Variants in SLC35F3 observed in about 807,000 individuals in gnomAD.
SLC35F3 encodes putative thiamine transporter SLC35F3.
SLC35F3 carries 25 observed loss-of-function variants against 49.9 expected under a neutral mutation model. That is an observed-to-expected ratio of 0.50 (90% CI 0.37 to 0.70). SLC35F3 has a LOEUF of 0.70. Among genes scored for constraint, SLC35F3 ranks in the 30% least tolerant of loss-of-function variants. The probability of loss-of-function intolerance (pLI) is 0.00; values close to 1 mark genes in which losing one functional copy is unlikely to be tolerated. For missense variants in SLC35F3, 525 were observed against 639.8 expected (o/e 0.82, Z 1.94); for synonymous variants, 275 against 265.4 (o/e 1.04, Z -0.35).
chr1:234,317,159 G>A (rs899987055), intron 5 of SLC35F3, among the ~76,000 whole-genome samples: 1 of 152,196 alleles, frequency 6.6e-6, no homozygotes, highest in Non-Finnish European at 1.5e-5. Flanking sequence ...AGCCACCACT[G>A]CTCGCTATGA....
chr1:234,118,381 CTAACT>C (rs1197125062), intron 2 of SLC35F3, among the ~76,000 whole-genome samples: 1 of 152,160 alleles, frequency 6.6e-6, no homozygotes, highest in Non-Finnish European at 1.5e-5. Context: ...ACCCCCATCC[CTAACT>C]TTTTACCTTT....
intron 2 of SLC35F3, among the ~76,000 whole-genome samples, chr1:234,045,722 TTA>T (rs1195675460): frequency 1.3e-5 from 2 of 151,686 alleles, no homozygotes; most frequent in African/African-American, 4.9e-5. Flanking sequence ...TTTTTTTTTT[TTA>T]AAGAAATAGA....
At chr1:234,254,197 T>C (rs1456895446) in intron 3 of SLC35F3, among the ~76,000 whole-genome samples, 1 of 152,216 alleles carries the variant, frequency 6.6e-6, no homozygotes, top group Non-Finnish European at 1.5e-5. Flanking sequence ...TTTTTATGCC[T>C]TTGGCTTCTT....
chr1:234,035,671 C>A (rs1389123734), intron 2 of SLC35F3, among the ~76,000 whole-genome samples: 1 of 152,158 alleles, frequency 6.6e-6, no homozygotes, highest in African/African-American at 2.4e-5. Context: ...GCTTTTACTC[C>A]ACTTTCTAAG....
chr1:234,304,669 C>G (rs1414850372), intron 3 of SLC35F3, among the ~76,000 whole-genome samples: 1 of 152,196 alleles, frequency 6.6e-6, no homozygotes, highest in Non-Finnish European at 1.5e-5. Context: ...ACTGTAGCAT[C>G]ATTATATTCC....
chr1:234,083,241 A>T (rs965408597), intron 2 of SLC35F3, among the ~76,000 whole-genome samples: 2 of 152,254 alleles, frequency 1.3e-5, no homozygotes, highest in East Asian at 3.8e-4. Flanking sequence ...ATTAAGGTTT[A>T]AGAAAAGCAA....
At chr1:234,221,022 G>A (rs551187544) in intron 2 of SLC35F3, among the ~76,000 whole-genome samples, 20 of 152,296 alleles carry the variant, frequency 1.3e-4, no homozygotes, top group African/African-American at 4.6e-4. Context: ...AAGGGAGGCA[G>A]GAGAGAAGTT....
At position 233,905,679 on chromosome 1, in the gene SLC35F3, G is replaced by T. The variant is rs757515093; in HGVS notation, c.204G>T (p.Val68=). The T allele has an allele frequency of 6.2e-7, 1 of 1,614,150 alleles. No individual in the cohort carries two copies. The highest frequency in any genetic ancestry group is 1.7e-5 in the Admixed American group (1 of 60,032). The change falls in exon 2 of 8, where the codon GTG becomes GTT. Residue 68 remains valine, a synonymous_variant. Transcript: ENST00000366618. ...TGGAGGATCTCACCAGCGGGCCGGT[G>T]GGGCTCACGTCCATCGAGGAGCGGA... ...RSVEDLTSGP[V]GLTSIEERIL...
intron 2 of SLC35F3, among the ~76,000 whole-genome samples, chr1:234,016,786 T>C (rs1234072647): frequency 6.6e-6 from 1 of 152,242 alleles, no homozygotes; most frequent in Admixed American, 6.5e-5. Context: ...ATTTCACTAG[T>C]CTGCCAAGTA....
At chr1:233,910,653 A>T (rs1288627410) in intron 2 of SLC35F3, among the ~76,000 whole-genome samples, 1 of 152,214 alleles carries the variant, frequency 6.6e-6, no homozygotes, top group East Asian at 1.9e-4. Flanking sequence ...GTTTTCAAAT[A>T]TTGAACTCTT....
intron 7 of SLC35F3, among the ~76,000 whole-genome samples, chr1:234,321,042 C>G (rs1004992926): frequency 7.2e-6 from 1 of 139,362 alleles, no homozygotes; most frequent in Admixed American, 7.2e-5. Flanking sequence ...AGATTGCCCC[C>G]CCCCCACCCC....
In SLC35F3 at chr1:234,276,356, C is replaced by T. The variant is rs185829307; in HGVS notation, c.609-32745C>T. Among the ~76,000 whole-genome samples the T allele has an allele frequency of 3.0e-3, 464 of 152,278 alleles. 3 individuals are homozygous for T. Among genetic ancestry groups the T allele is most frequent in the African/African-American group, 0.011 (438 of 41,550 alleles). ...TGAGACTCATTCACCAGAATCTGTGCATGTTCAGAACAGAGAGACTTAGAA... is the reference window on the plus strand; with the variant it reads ...TGAGACTCATTCACCAGAATCTGTGTATGTTCAGAACAGAGAGACTTAGAA... On this transcript the variant is annotated intron_variant, in intron 3 of 7. Transcript: ENST00000366618.
intron 2 of SLC35F3, among the ~76,000 whole-genome samples, chr1:234,161,364 C>CTCCCTTTTTG (rs1666224789): frequency 1.3e-5 from 2 of 152,086 alleles, no homozygotes; most frequent in Non-Finnish European, 2.9e-5. Flanking sequence ...ATCTGTCTTT[C>CTCCCTTTTTG]TGCAGAGGTT....
intron 2 of SLC35F3, among the ~76,000 whole-genome samples, chr1:234,165,038 TTGTGTGTGTG>T (rs58676109): frequency 0.091 from 12,532 of 137,808 alleles, 597 homozygotes; most frequent in Middle Eastern, 0.13. Context: ...TAGCTTCAAT[TTGTGTGTGTG>T]TGTGTGTGTG....
chr1:234,230,773 G>C lies in SLC35F3; in HGVS notation c.284-644G>C, dbSNP rs576886094. Among the ~76,000 whole-genome samples, 3 of 152,290 alleles carry C rather than the reference G, an allele frequency of 2.0e-5. No homozygotes were observed. The East Asian group carries it at 5.8e-4, about 29-fold the overall frequency. ...GGTTTTTAAGTAAAGCTTCGAAGTG[G>C]GACTGGAGGCTATCAGCAGGAAGCC... On this transcript the variant is annotated intron_variant, in intron 2 of 7. Transcript: ENST00000366618.
At chr1:234,287,890 G>A (rs769387229) in intron 3 of SLC35F3, among the ~76,000 whole-genome samples, 13 of 152,228 alleles carry the variant, frequency 8.5e-5, no homozygotes, top group Non-Finnish European at 1.6e-4. Context: ...AATTGGTGGC[G>A]AAATTTTTTT....
chr1:234,290,626 C>G (rs534430251), intron 3 of SLC35F3, among the ~76,000 whole-genome samples: 20 of 152,356 alleles, frequency 1.3e-4, no homozygotes, highest in African/African-American at 4.6e-4. Flanking sequence ...TTCCGTCCCC[C>G]ACCCTGGATG....
At chr1:234,089,857 A>G (rs759280382) in intron 2 of SLC35F3, among the ~76,000 whole-genome samples, 1 of 152,216 alleles carries the variant, frequency 6.6e-6, no homozygotes, top group Admixed American at 6.5e-5. Context: ...AGAAACAGAC[A>G]GGGATGCACT....
chr1:234,315,518 C>T (rs1480474998), intron 4 of SLC35F3, among the ~76,000 whole-genome samples: 1 of 152,156 alleles, frequency 6.6e-6, no homozygotes, highest in African/African-American at 2.4e-5. Flanking sequence ...GTTACTTAAC[C>T]TCTGTGAGCC....
Sources: allele counts gnomAD v4.1 joint callset (sites outside exome capture counted in the v4.1 genomes callset), GRCh38; gene constraint gnomAD v4.1.1; transcripts MANE v1.5; gene names NCBI Gene and HGNC (gene_info 2026-07-23, HGNC 2026-07-21).